The following USH2A variants were observed in gnomAD, a reference collection of about 807,000 sequenced individuals.
The protein encoded by USH2A is Usher syndrome 2A (autosomal recessive, mild).
A neutral mutation model predicts 538.9 loss-of-function variants in USH2A; 443 were observed. The ratio of observed to expected loss-of-function variants is 0.82; its 90% CI spans 0.76 to 0.89. USH2A has a LOEUF of 0.89. Among genes scored for constraint, USH2A ranks in the 40% least tolerant of loss-of-function variants. The probability of loss-of-function intolerance (pLI) is 0.00; values close to 1 mark genes in which losing one functional copy is unlikely to be tolerated. For missense variants in USH2A, 6,633 were observed against 6,324.8 expected, an observed-to-expected ratio of 1.05 and a Z score of -1.65; for synonymous variants, 2,413 against 2,273.5, an observed-to-expected ratio of 1.06 and a Z score of -1.75.
chr1:215,812,833 A>G (rs563933842), intron 49 of USH2A, among the ~76,000 whole-genome samples: 2 of 152,314 alleles, frequency 1.3e-5, no homozygotes, highest in Middle Eastern at 3.4e-3. Context: ...AAAATTGTCA[A>G]AAGAGGTTGA....
intron 4 of USH2A, among the ~76,000 whole-genome samples, chr1:216,351,817 A>C (rs889825460): frequency 1.3e-5 from 2 of 151,510 alleles, no homozygotes; most frequent in African/African-American, 2.4e-5. Flanking sequence ...TTTGATTCTA[A>C]CACCAACAAG....
At chr1:215,759,632 T>A in intron 57 of USH2A, 28 bp downstream of exon 57, 1 of 1,613,072 alleles carries the variant, frequency 6.2e-7, no homozygotes, top group Non-Finnish European at 8.5e-7. Flanking sequence ...TCCTGCTGTA[T>A]GATTGGTAAA....
intron 8 of USH2A, among the ~76,000 whole-genome samples, chr1:216,322,631 A>G (rs917158681): frequency 2.6e-4 from 40 of 151,906 alleles, no homozygotes; most frequent in African/African-American, 9.7e-4. Context: ...GAAAGAAAAA[A>G]GAATATAAAG....
intron 22 of USH2A, among the ~76,000 whole-genome samples, chr1:216,090,711 A>C (rs191271924): frequency 1.3e-5 from 2 of 152,128 alleles, no homozygotes; most frequent in African/African-American, 4.8e-5. Context: ...TGTCGTGCCC[A>C]ATTAATGTGC....
chr1:216,056,461 T>G (rs2102533696), intron 30 of USH2A, among the ~76,000 whole-genome samples: 1 of 152,296 alleles, frequency 6.6e-6, no homozygotes, highest in East Asian at 1.9e-4. Context: ...TCCAGACAGC[T>G]AAAAAGCAGT....
At chr1:216,242,821 A>C (rs976699521) in intron 13 of USH2A, among the ~76,000 whole-genome samples, 2 of 152,202 alleles carry the variant, frequency 1.3e-5, no homozygotes, top group Non-Finnish European at 2.9e-5. Flanking sequence ...GTAGAGCCAC[A>C]GATCCAAAAA....
chr1:216,325,632 A>T, intron 5 of USH2A, 33 bp from the exon 6 acceptor site: 1 of 1,603,560 alleles, frequency 6.2e-7, no homozygotes, highest in Non-Finnish European at 8.5e-7. Flanking sequence ...TGTAAGGACA[A>T]AGAGCTTAAC....
chr1:216,054,424 T>C (rs2030903376), intron 30 of USH2A, among the ~76,000 whole-genome samples: 1 of 152,088 alleles, frequency 6.6e-6, no homozygotes, highest in Non-Finnish European at 1.5e-5. Context: ...CTGCAAGCTT[T>C]TGCACCTCTA....
At chr1:216,182,978 T>C (rs1002387143) in intron 20 of USH2A, among the ~76,000 whole-genome samples, 8 of 152,128 alleles carry the variant, frequency 5.3e-5, no homozygotes, top group East Asian at 3.9e-4. Flanking sequence ...GTGCTTCTTT[T>C]CACATGCCCC....
intron 21 of USH2A, among the ~76,000 whole-genome samples, chr1:216,154,819 A>G (rs1005274234): frequency 1.3e-5 from 2 of 152,016 alleles, no homozygotes; most frequent in Non-Finnish European, 2.9e-5. Flanking sequence ...TTATTAATCA[A>G]TTCACCTACT....
At chr1:215,949,280 G>A (rs1196520875) in intron 37 of USH2A, among the ~76,000 whole-genome samples, 1 of 151,884 alleles carries the variant, frequency 6.6e-6, no homozygotes, top group African/African-American at 2.4e-5. Context: ...AACTTTAATG[G>A]AGATACAAGC....
chr1:216,351,790 T>C (rs2038292729), intron 4 of USH2A, among the ~76,000 whole-genome samples: 1 of 152,052 alleles, frequency 6.6e-6, no homozygotes, highest in Non-Finnish European at 1.5e-5. Context: ...TAAGAAGGAT[T>C]CAAAATCTGG....
intron 21 of USH2A, among the ~76,000 whole-genome samples, chr1:216,110,759 G>A (rs1237094967): frequency 6.6e-6 from 1 of 152,198 alleles, no homozygotes; most frequent in Non-Finnish European, 1.5e-5. Context: ...TGATGGTTAA[G>A]CAGGACTGTG....
chr1:216,226,985 G>A (rs1386494028), intron 14 of USH2A, among the ~76,000 whole-genome samples: 1 of 152,140 alleles, frequency 6.6e-6, no homozygotes, highest in African/African-American at 2.4e-5. Flanking sequence ...CCAACTGCAG[G>A]AGACACATGT....
At chr1:216,035,231 G>A (rs1669221891) in intron 32 of USH2A, among the ~76,000 whole-genome samples, 1 of 152,258 alleles carries the variant, frequency 6.6e-6, no homozygotes, top group South Asian at 2.1e-4. Context: ...CTCTAGAACT[G>A]CAGTTGTAAT....
chr1:215,888,606 C>T lies in USH2A; in HGVS notation c.8043G>A (p.Met2681Ile), dbSNP rs762441831. 1.5e-5 allele frequency: 25 copies of T among 1,614,060 alleles called. No individual in the cohort carries two copies. The highest frequency in any genetic ancestry group is 1.9e-5 in the Non-Finnish European group (23 of 1,180,028). ...GAGCAGAAGTCTTGTCAATAAACCT[C>T]ATGGAATGACTCCTCGGGAGAGTCA... ...TLVTLPRSHS[M>I]RFIDKTSALS... The change falls in exon 41 of 72, where the codon ATG becomes ATA. Residue 2681 changes from methionine to isoleucine, a missense_variant. By Grantham distance (10) the Met-to-Ile change is conservative. Coordinates refer to ENST00000307340, the MANE Select transcript of USH2A (RefSeq NM_206933.4).
At position 216,177,881 on chromosome 1, in the gene USH2A, G is replaced by A. The variant is rs147841563; in HGVS notation, c.4397-2399C>T. Among the ~76,000 whole-genome samples the A allele has an allele frequency of 3.0e-3, 463 of 152,150 alleles. 4 individuals are homozygous for A. Among genetic ancestry groups the A allele is most frequent in the African/African-American group, 0.011 (447 of 41,528 alleles). On this transcript the variant is annotated intron_variant, in intron 20 of 71. Coordinates refer to ENST00000307340, the MANE Select transcript of USH2A (RefSeq NM_206933.4). ...ATTTGAGAGGTGAATGTGGAGAAAG[G>A]AACAAATGTCATAATCACCGAGCCT...
rs35866358 is a variant in USH2A, at chr1:216,074,324, TTCTCTCTC to T, written c.5573-1032_5573-1025del. 0.061 allele frequency among the ~76,000 whole-genome samples: 9,093 copies of T among 149,146 alleles called. 341 individuals are homozygous for T. Among genetic ancestry groups the T allele is most frequent in the East Asian group, 0.14 (718 of 4,976 alleles). On this transcript the variant is annotated intron_variant, in intron 27 of 71. Coordinates refer to ENST00000307340, the MANE Select transcript of USH2A (RefSeq NM_206933.4). ...GTTTGAGATTGCTGTAGCGTGCATG[TTCTCTCTC>T]TCTCTCTCTCTCTCTCTCCGAACAA...
intron 10 of USH2A, among the ~76,000 whole-genome samples, chr1:216,290,227 C>T (rs527695163): frequency 5.3e-5 from 8 of 152,002 alleles, no homozygotes; most frequent in Non-Finnish European, 1.0e-4. Context: ...TGAAATTTCT[C>T]CAATATTTGA....
Sources: gnomAD v4.1 joint callset for allele counts (sites outside exome capture counted in the v4.1 genomes callset) on GRCh38, gnomAD v4.1.1 for gene constraint, MANE v1.5 for transcripts, NCBI Gene and HGNC (gene_info 2026-07-23, HGNC 2026-07-21) for gene names.